SPATA7: variants seen among roughly 807,000 people sequenced by gnomAD.
SPATA7 encodes the protein spermatogenesis associated 7.
A neutral mutation model predicts 51.8 loss-of-function variants in SPATA7; 43 were observed. That is an observed-to-expected ratio of 0.83 (90% confidence interval 0.65 to 1.07). The LOEUF (loss-of-function observed/expected upper bound fraction) is 1.07. Ranked by LOEUF, SPATA7 falls within the 50% of genes least tolerant of loss-of-function variation. The pLI is 0.00. For synonymous variants in SPATA7, 230 were observed against 252.8 expected, an observed-to-expected ratio of 0.91 and a Z score of 0.86; for missense variants, 683 against 701.3, an observed-to-expected ratio of 0.97 and a Z score of 0.30.
Position 88,450,802 on chromosome 14 carries a change from C to T in SPATA7, c.178-4258C>T, listed in dbSNP as rs188629118. 4.3e-4 allele frequency among the ~76,000 whole-genome samples: 65 copies of T among 152,238 alleles called. 1 individual carries two copies. The highest frequency in any genetic ancestry group is 1.3e-3 in the African/African-American group (52 of 41,536). ...GCAATGATCTTTTTGTGATGAATTTCCCAGGTGTTCTTTGAACTTCTTGTA... is the reference window on the plus strand; with the variant it reads ...GCAATGATCTTTTTGTGATGAATTTTCCAGGTGTTCTTTGAACTTCTTGTA... On this transcript the variant is annotated intron_variant, in intron 3 of 3. Transcript: ENST00000554802.
chr14:88,461,793 C>T (rs893016029), intron 4 of SPATA7, among the ~76,000 whole-genome samples: 5 of 152,154 alleles, frequency 3.3e-5, no homozygotes, highest in Non-Finnish European at 7.3e-5. Context: ...CTGTCTTCTG[C>T]GTCACTCGCG....
intron 4 of SPATA7, among the ~76,000 whole-genome samples, chr14:88,463,104 A>C (rs1214226493): frequency 6.6e-6 from 1 of 152,128 alleles, no homozygotes; most frequent in Non-Finnish European, 1.5e-5. Flanking sequence ...CCCTCTATAT[A>C]ATAGCATTTG....
At chr14:88,417,316 T>TTA (rs1555374558) in intron 5 of SPATA7, among the ~76,000 whole-genome samples, 3,037 of 143,960 alleles carry the variant, frequency 0.021, 109 homozygotes, top group African/African-American at 0.071. Flanking sequence ...TTTTTTTTTT[T>TTA]TATATATATA....
At chr14:88,444,824 GT>G (rs1336682118) in intron 3 of SPATA7, among the ~76,000 whole-genome samples, 2 of 152,172 alleles carry the variant, frequency 1.3e-5, no homozygotes, top group Non-Finnish European at 2.9e-5. Context: ...TGAGGCCTCT[GT>G]TCTGTTCCAT....
rs145567936 is a variant in SPATA7 at position 88,421,559 on chromosome 14, A to G, written c.373-4673A>G. Among the ~76,000 whole-genome samples the G allele has an allele frequency of 2.4e-3, 370 of 152,336 alleles. 1 individual carries two copies. Among genetic ancestry groups the G allele is most frequent in the African/African-American group, 8.6e-3 (358 of 41,570 alleles). On this transcript the variant is annotated intron_variant, in intron 5 of 11. Transcript: ENST00000393545. ...GACTACACTGACAACAGTGGAGGAC[A>G]GTTACGAGACAGTTGCAGTAATCTG...
Position 88,416,783 on chromosome 14 carries a change from A to G in SPATA7, c.311A>G (p.Lys104Arg), listed in dbSNP as rs2076490012. ...TGTGAAAAAGAGTTCAAATTAACTAAAACTGCAATGCGAGCCAATTATAAA... is the reference window on the plus strand; with the variant it reads ...TGTGAAAAAGAGTTCAAATTAACTAGAACTGCAATGCGAGCCAATTATAAA... ...AQCEKEFKLT[K>R]TAMRANYKNN... The change falls in exon 5 of 12, where the codon AAA becomes AGA. Residue 104 changes from lysine (K) to arginine (R), a missense_variant. Transcript: ENST00000393545. The G allele has an allele frequency of 1.9e-6, 3 of 1,610,922 alleles. No homozygotes were observed. Among genetic ancestry groups the G allele is most frequent in the East Asian group, 2.2e-5 (1 of 44,746 alleles).
At chr14:88,459,367 G>A (rs2077303187), downstream of SPATA7, among the ~76,000 whole-genome samples, 1 of 152,166 alleles carries the variant, frequency 6.6e-6, no homozygotes, top group Non-Finnish European at 1.5e-5. Flanking sequence ...AAGTCTCTTT[G>A]TAAGTCTCTA....
At chr14:88,400,834 CAAAA>C (rs1351920451) in intron 4 of SPATA7, among the ~76,000 whole-genome samples, 2 of 151,568 alleles carry the variant, frequency 1.3e-5, no homozygotes, top group Non-Finnish European at 2.9e-5. Context: ...GATAAAATCT[CAAAA>C]AAATAAAATT....
chr14:88,460,003 G>T (rs987562220), downstream of SPATA7, among the ~76,000 whole-genome samples: 3 of 152,116 alleles, frequency 2.0e-5, no homozygotes, highest in African/African-American at 7.2e-5. Context: ...TGAAATTCTG[G>T]GTTGAAAATT....
intron 4 of SPATA7, among the ~76,000 whole-genome samples, chr14:88,407,990 A>G (rs1237531279): frequency 4.6e-5 from 7 of 152,264 alleles, no homozygotes; most frequent in Non-Finnish European, 1.5e-5. Flanking sequence ...TACCAGTATC[A>G]TGCTGTTTTG....
intron 5 of SPATA7, among the ~76,000 whole-genome samples, chr14:88,425,644 T>G (rs1033426057): frequency 1.3e-5 from 2 of 152,092 alleles, no homozygotes; most frequent in African/African-American, 2.4e-5. Context: ...GCCTCCCTTT[T>G]CATAGTATTA....
At chr14:88,446,351 G>A (rs1309247808) in intron 3 of SPATA7, among the ~76,000 whole-genome samples, 1 of 151,942 alleles carries the variant, frequency 6.6e-6, no homozygotes, top group African/African-American at 2.4e-5. Flanking sequence ...ATTTTTTATT[G>A]CATCTATTTG....
chr14:88,429,439 A>G lies in SPATA7; in HGVS notation c.1004A>G (p.Asp335Gly). The change falls in exon 8 of 12, where the codon GAT (aspartate) becomes GGT (glycine). Residue 335 changes from aspartate to glycine, a missense_variant. Asp to Gly is a moderately conservative substitution (Grantham distance 94). Transcript: ENST00000393545. ...TCAACATGGGATGAGATTAAGGATG[A>G]TGCTCTTCAGCATTCCTCACCAAGG... ...HDSTWDEIKD[D>G]ALQHSSPRAM... The G allele has an allele frequency of 3.7e-6, 6 of 1,611,722 alleles. No individual in the cohort carries two copies. Among genetic ancestry groups the G allele is most frequent in the Non-Finnish European group, 5.1e-6 (6 of 1,178,088 alleles).
chr14:88,436,776 C>T (rs1473437138), intron 10 of SPATA7, among the ~76,000 whole-genome samples: 1 of 152,076 alleles, frequency 6.6e-6, no homozygotes, highest in Non-Finnish European at 1.5e-5. Flanking sequence ...TATTCTGTTC[C>T]ATTGGTCTGT....
intron 7 of SPATA7, 48 bp downstream of exon 7, chr14:88,427,744 GT>G (rs1202910266): frequency 7.6e-7 from 1 of 1,317,906 alleles, no homozygotes; most frequent in South Asian, 1.2e-5. Context: ...AATTACAGAT[GT>G]TTTTCAGTAA....
intron 3 of SPATA7, among the ~76,000 whole-genome samples, chr14:88,446,993 A>G (rs946291874): frequency 3.9e-5 from 6 of 152,152 alleles, no homozygotes; most frequent in African/African-American, 1.4e-4. Flanking sequence ...GTAGATGTCT[A>G]TTATGTCTGC....
intron 3 of SPATA7, among the ~76,000 whole-genome samples, chr14:88,444,723 A>C (rs2140040144): frequency 6.6e-6 from 1 of 152,244 alleles, no homozygotes; most frequent in Non-Finnish European, 1.5e-5. Context: ...TTTTCCCAGC[A>C]CCATTTATTA....
chr14:88,401,771 A>G (rs562136111), intron 4 of SPATA7, among the ~76,000 whole-genome samples: 2 of 147,554 alleles, frequency 1.4e-5, no homozygotes, highest in African/African-American at 5.0e-5. Context: ...CAGGAATTCA[A>G]GGTCACAGTG....
At chr14:88,447,560 A>G (rs1332001054) in intron 3 of SPATA7, among the ~76,000 whole-genome samples, 1 of 151,910 alleles carries the variant, frequency 6.6e-6, no homozygotes, top group Non-Finnish European at 1.5e-5. Flanking sequence ...TCATTAGTTG[A>G]TGTAGTTTCT....
Sources: allele counts gnomAD v4.1 joint callset (sites outside exome capture counted in the v4.1 genomes callset), GRCh38; gene constraint gnomAD v4.1.1; transcripts MANE v1.5; gene names NCBI Gene and HGNC (gene_info 2026-07-23, HGNC 2026-07-21).